Variants in DZIP1L observed in about 807,000 individuals in gnomAD.
DZIP1L encodes cilium assembly protein DZIP1L.
DZIP1L carries 90 observed loss-of-function variants against 88.7 expected under a neutral mutation model. The observed-to-expected ratio is 1.02, with a 90% CI of 0.86 to 1.21. The LOEUF is 1.21. Among genes scored for constraint, DZIP1L ranks in the 50% most tolerant of loss-of-function variants. The probability of loss-of-function intolerance (pLI) is 0.00; values close to 1 mark genes in which losing one functional copy is unlikely to be tolerated. For missense variants in DZIP1L, 932 were observed against 955.8 expected, an observed-to-expected ratio of 0.98 and a Z score of 0.33; for synonymous variants, 363 against 372.1, an observed-to-expected ratio of 0.98 and a Z score of 0.28.
At chr3:138,067,957 G>A (rs1942988789) in intron 13 of DZIP1L, among the ~76,000 whole-genome samples, 194 bp downstream of exon 13, 1 of 152,174 alleles carries the variant, frequency 6.6e-6, no homozygotes, top group Non-Finnish European at 1.5e-5. Context: ...GTAAGGGGAG[G>A]GTGGGTTTGT....
rs1177403428 is a variant in DZIP1L at position 138,092,553 on chromosome 3, A to T, written c.709-9T>A. The T allele has an allele frequency of 1.3e-6, 2 of 1,559,958 alleles. No individual in the cohort carries two copies. Among genetic ancestry groups the T allele is most frequent in the African/African-American group, 2.8e-5 (2 of 72,050 alleles). ...TGAATGAGCTCTGCTTCCTAAAAAG[A>T]AGAGCAAGAACAATATGATGATTAA... On this transcript the variant is annotated splice_polypyrimidine_tract_variant and intron_variant, in intron 4 of 15. Transcript: ENST00000327532.
chr3:138,081,892 T>G (rs899990464), intron 8 of DZIP1L, 128 bp from the exon 9 acceptor site: 18 of 901,764 alleles, frequency 2.0e-5, no homozygotes, highest in Non-Finnish European at 2.9e-5. Flanking sequence ...CGTTGGGAAC[T>G]GGAAGGAGCT....
At chr3:138,081,991 G>A (rs1194772602) in intron 8 of DZIP1L, among the ~76,000 whole-genome samples, 1 of 152,204 alleles carries the variant, frequency 6.6e-6, no homozygotes, top group Non-Finnish European at 1.5e-5. Context: ...AGGTGGGGAG[G>A]CAAGAATGTC....
chr3:138,065,300 G>A (rs925475352), intron 14 of DZIP1L, among the ~76,000 whole-genome samples: 13 of 152,216 alleles, frequency 8.5e-5, no homozygotes, highest in Admixed American at 1.3e-4. Context: ...GAAGCAGGAA[G>A]CTAACTACAG....
Position 138,097,827 on chromosome 3 carries a change from T to C in DZIP1L, c.522A>G (p.Thr174=), listed in dbSNP as rs902390466. 6.2e-7 allele frequency: 1 copy of C among 1,612,808 alleles called. No individual in the cohort carries two copies. The highest frequency in any genetic ancestry group is 8.5e-7 in the Non-Finnish European group (1 of 1,179,546). ...SYHTCHLCDK[T]FMNATFLRGH... is the part of the protein sequence containing the mutation. ...CCCGGAGAAAGGTGGCATTCATGAA[T>C]GTCTTGTCACACAGGTGGCACTATA... The change falls in exon 3 of 16, where the codon ACA becomes ACG. Residue 174 remains threonine, a synonymous_variant. Transcript: ENST00000327532.
At chr3:138,105,528 T>C (rs934804878) in intron 1 of DZIP1L, among the ~76,000 whole-genome samples, 1 of 152,122 alleles carries the variant, frequency 6.6e-6, no homozygotes, top group African/African-American at 2.4e-5. Flanking sequence ...CTCTAAATCA[T>C]CTCTAGATTA....
At chr3:138,108,666 TTCTC>T (rs1553738223) in intron 1 of DZIP1L, among the ~76,000 whole-genome samples, 5 of 152,136 alleles carry the variant, frequency 3.3e-5, no homozygotes, top group Non-Finnish European at 7.4e-5. Context: ...CCAAATCTCT[TTCTC>T]TCTAGCCCCT....
intron 12 of DZIP1L, chr3:138,069,155 C>A (rs372190380): frequency 7.3e-6 from 5 of 684,652 alleles, no homozygotes; most frequent in Middle Eastern, 4.6e-4. Context: ...TCTTCCTCCT[C>A]CTCTTCAGCC....
chr3:138,077,984 A>C (rs1463187710), intron 10 of DZIP1L, among the ~76,000 whole-genome samples: 2 of 152,154 alleles, frequency 1.3e-5, no homozygotes, highest in Non-Finnish European at 2.9e-5. Flanking sequence ...CTCTAACTTT[A>C]GCATATATCA....
Position 138,103,856 on chromosome 3 carries a change from C to T in DZIP1L, c.116G>A (p.Ser39Asn), listed in dbSNP as rs149176280. Residue 39 changes from serine (S) to asparagine (N), a missense_variant, in exon 2 of 16, where the codon AGC becomes AAC. Transcript: ENST00000327532. ...GGCCACGCGGTCTACATCCAGGGTG[C>T]TAATGCGTCTCCAGTCCATGCTATC... ...RHDSMDWRRI[S>N]TLDVDRVARE... 27 of 1,614,136 alleles carry T rather than the reference C, an allele frequency of 1.7e-5. No homozygotes were observed. In the African/African-American group the frequency reaches 3.1e-4, roughly 18 times the overall value.
rs2042394139 is a variant in DZIP1L, at chr3:138,103,696, G to A, written c.276C>T (p.Leu92=). 6.2e-7 allele frequency: 1 copy of A among 1,612,302 alleles called. No homozygotes were observed. Among genetic ancestry groups the A allele is most frequent in the Non-Finnish European group, 8.5e-7 (1 of 1,179,914 alleles). The change falls in exon 2 of 16, where the codon CTC becomes CTT. Residue 92 remains leucine, a synonymous_variant. Transcript: ENST00000327532. ...GGCAGTGCAGCAGGTACTCAATGAT[G>A]AGCTGCGCCAGGCGCAGCACCTTGA... ...ALLKVLRLAQ[L]IIEYLLHCQD... is the part of the protein sequence containing the mutation.
intron 8 of DZIP1L, 91 bp from the exon 9 acceptor site, chr3:138,081,855 A>G: frequency 2.2e-6 from 3 of 1,376,720 alleles, no homozygotes; most frequent in Non-Finnish European, 3.0e-6. Context: ...ACAGTGAGGA[A>G]GGGATGGCTA....
At chr3:138,074,127 A>G (rs1190368363) in intron 11 of DZIP1L, among the ~76,000 whole-genome samples, 5 of 152,216 alleles carry the variant, frequency 3.3e-5, no homozygotes, top group African/African-American at 1.2e-4. Flanking sequence ...AAAGCTTGAA[A>G]ACATCTTCGA....
chr3:138,079,687 T>G (rs750192826), intron 10 of DZIP1L, among the ~76,000 whole-genome samples: 3 of 152,226 alleles, frequency 2.0e-5, no homozygotes, highest in Non-Finnish European at 4.4e-5. Flanking sequence ...GGAGGCCTGC[T>G]TCTCACTGCA....
At chr3:138,077,475 T>C in intron 11 of DZIP1L, 24 bp downstream of exon 11, 2 of 1,613,660 alleles carry the variant, frequency 1.2e-6, no homozygotes, top group Non-Finnish European at 1.7e-6. Context: ...TATCAGCCCT[T>C]AAAACGATGG....
At chr3:138,085,238 A>T (rs1321069705) in intron 7 of DZIP1L, among the ~76,000 whole-genome samples, 3 of 152,228 alleles carry the variant, frequency 2.0e-5, no homozygotes, top group East Asian at 3.8e-4. Flanking sequence ...ATGGCAACAA[A>T]AGCCAAAATT....
chr3:138,106,083 C>G (rs573861692), intron 1 of DZIP1L, among the ~76,000 whole-genome samples: 3 of 149,990 alleles, frequency 2.0e-5, no homozygotes, highest in Non-Finnish European at 4.4e-5. Context: ...ACACTTTACC[C>G]TATTTAATCA....
At chr3:138,082,668 G>T (rs1290459783) in intron 8 of DZIP1L, among the ~76,000 whole-genome samples, 4 of 152,152 alleles carry the variant, frequency 2.6e-5, no homozygotes, top group African/African-American at 7.2e-5. Flanking sequence ...TTTATTACCT[G>T]CAGTGGCACA....
In DZIP1L at chr3:138,092,413, AT is replaced by A; in HGVS notation, c.839del (p.Asn280MetfsTer9). On this transcript the variant is annotated frameshift_variant, in exon 5 of 16. Coordinates refer to ENST00000327532, the MANE Select transcript of DZIP1L (RefSeq NM_173543.3). LOFTEE classifies it high-confidence loss of function. ...LKKLFWDEFK[N>X]VAKQNSTLEE... ...CTAGTGTAGAGTTCTGCTTGGCGAC[AT>A]TTTTAAATTCATCCCAAAATAATTT... The A allele has an allele frequency of 1.2e-6, 2 of 1,602,586 alleles. No individual in the cohort carries two copies. The highest frequency in any genetic ancestry group is 1.1e-5 in the South Asian group (1 of 87,606).
Sources: allele counts gnomAD v4.1 joint callset (sites outside exome capture counted in the v4.1 genomes callset), GRCh38; gene constraint gnomAD v4.1.1; transcripts MANE v1.5; gene names NCBI Gene and HGNC (gene_info 2026-07-23, HGNC 2026-07-21).